MPP7: variants seen among roughly 807,000 people sequenced by gnomAD.
The protein encoded by MPP7 is MAGUK p55 scaffold protein 7.
In MPP7, 60 loss-of-function variants were observed where a neutral mutation model predicts 76.5. That is an observed-to-expected ratio of 0.78 (90% confidence interval 0.64 to 0.97). MPP7 has a LOEUF of 0.97. Ranked by LOEUF, MPP7 falls within the 50% of genes least tolerant of loss-of-function variation. The pLI is 0.00. For missense variants in MPP7, 641 were observed against 694.0 expected, an observed-to-expected ratio of 0.92 and a Z score of 0.86; for synonymous variants, 237 against 244.5, an observed-to-expected ratio of 0.97 and a Z score of 0.29.
intron 2 of MPP7, among the ~76,000 whole-genome samples, chr10:28,208,148 G>A (rs1053491317): frequency 6.6e-6 from 1 of 152,230 alleles, no homozygotes; most frequent in South Asian, 2.1e-4. Context: ...AAGACTCAGA[G>A]CTCACAGGAG....
At chr10:28,327,707 T>G (rs1834431158) in intron 2 of MPP7, among the ~76,000 whole-genome samples, 1 of 152,178 alleles carries the variant, frequency 6.6e-6, no homozygotes, top group South Asian at 2.1e-4. Context: ...AACATGAATT[T>G]TCAAGTCAAG....
At chr10:28,089,897 CAAA>C in intron 11 of MPP7, 56 bp from the exon 12 acceptor site, 1 of 659,672 alleles carries the variant, frequency 1.5e-6, no homozygotes, top group Non-Finnish European at 2.2e-6. Flanking sequence ...AAGAAACCCT[CAAA>C]AAAAAAAAAC....
chr10:28,238,479 C>A, intron 2 of MPP7, 89 bp downstream of exon 2: 2 of 1,358,214 alleles, frequency 1.5e-6, no homozygotes, highest in Admixed American at 1.7e-5. Flanking sequence ...GCATGATCTG[C>A]CTGCATTTGC....
chr10:28,103,137 GTCA>G (rs1160620055), intron 11 of MPP7, among the ~76,000 whole-genome samples: 8 of 116,418 alleles, frequency 6.9e-5, no homozygotes, highest in South Asian at 6.9e-4. Flanking sequence ...CTGTTGGGGG[GTCA>G]GACCGTGCAC....
intron 3 of MPP7, among the ~76,000 whole-genome samples, chr10:28,166,796 C>A (rs989151079): frequency 6.6e-6 from 1 of 152,070 alleles, no homozygotes; most frequent in Non-Finnish European, 1.5e-5. Flanking sequence ...TGTTTTTGAG[C>A]TTCATAAAAA....
intron 12 of MPP7, among the ~76,000 whole-genome samples, chr10:28,088,036 T>C (rs997127903): frequency 6.6e-6 from 1 of 152,192 alleles, no homozygotes; most frequent in Non-Finnish European, 1.5e-5. Context: ...TGTTTCAAAA[T>C]AATGCAAACA....
intron 1 of MPP7, among the ~76,000 whole-genome samples, chr10:28,242,654 A>C (rs552118996): frequency 6.6e-6 from 1 of 152,346 alleles, no homozygotes; most frequent in South Asian, 2.1e-4. Flanking sequence ...TACTAAAGAA[A>C]GTACTGAGAT....
Position 28,089,815 on chromosome 10 carries a change from T to A in MPP7, c.979A>T (p.Ser327Cys). Residue 327 changes from serine (S) to cysteine (C), a missense_variant, in exon 12 of 17, where the codon AGT (serine) becomes TGT (cysteine). Ser to Cys is a moderately radical substitution (Grantham distance 112). Transcript: ENST00000683449. ...SSGFRKSFRL[S>C]RKDKKTNKSM... ...TTATTTGTTTTCTTATCTTTTCTAC[T>A]AAGACGAAAACTTTTTCTAAAACCA... is the stretch of plus-strand genomic sequence containing the variant. The A allele has an allele frequency of 6.4e-7, 1 of 1,573,742 alleles. No individual in the cohort carries two copies. The highest frequency in any genetic ancestry group is 1.1e-5 in the South Asian group (1 of 87,324).
chr10:28,197,293 A>G (rs1038102875), intron 3 of MPP7, among the ~76,000 whole-genome samples: 1 of 148,722 alleles, frequency 6.7e-6, no homozygotes, highest in Admixed American at 6.8e-5. Flanking sequence ...AGCAATTCTC[A>G]TGCCTCAGCC....
At chr10:28,224,827 A>C (rs1838635328) in intron 2 of MPP7, among the ~76,000 whole-genome samples, 1 of 152,170 alleles carries the variant, frequency 6.6e-6, no homozygotes, top group South Asian at 2.1e-4. Context: ...AAACGACCAA[A>C]ACATGACCAT....
chr10:28,150,874 T>C (rs1178797076), intron 3 of MPP7, among the ~76,000 whole-genome samples: 1 of 152,166 alleles, frequency 6.6e-6, no homozygotes. Context: ...AGCAGAAAGT[T>C]GAGAAACAAA....
In MPP7 at chr10:28,095,432, T is replaced by C. The variant is rs373736178; in HGVS notation, c.953-5591A>G. ...CAATTTTTCTAGATTCTGTCCCCCA[T>C]GGGTAGTCAGAGGTGATAGCACACT... On this transcript the variant is annotated intron_variant, in intron 11 of 16. Transcript: ENST00000683449. Among the ~76,000 whole-genome samples the C allele has an allele frequency of 2.6e-5, 4 of 152,006 alleles. No individual in the cohort carries two copies. In the East Asian group the frequency reaches 5.8e-4, roughly 22 times the overall value.
In MPP7 at chr10:28,052,045, C is replaced by G. The variant is rs1211630968; in HGVS notation, c.*2020G>C. The G allele has an allele frequency of 6.6e-6, 1 of 151,976 alleles. No individual in the cohort carries two copies. The highest frequency in any genetic ancestry group is 2.4e-5 in the African/African-American group (1 of 41,360). The allele number at this position is 151,976 out of a possible 1,614,324, so 9.4% of individuals were successfully genotyped here. On this transcript the variant is annotated 3_prime_UTR_variant, in exon 17 of 17. Coordinates refer to ENST00000683449, the MANE Select transcript of MPP7 (RefSeq NM_001318170.2). ...TTATAACATCTTATTATTACCACCACCAAAAAAGGACTCAGTTTCTCCCAC... is the reference window on the plus strand; with the variant it reads ...TTATAACATCTTATTATTACCACCAGCAAAAAAGGACTCAGTTTCTCCCAC...
chr10:28,315,490 G>T (rs910902553), intron 2 of MPP7, among the ~76,000 whole-genome samples: 1 of 152,062 alleles, frequency 6.6e-6, no homozygotes, highest in Non-Finnish European at 1.5e-5. Context: ...GGCGCACCCT[G>T]CCCACTGGCC....
chr10:28,195,447 T>A (rs1268260895), intron 3 of MPP7, among the ~76,000 whole-genome samples: 1 of 152,192 alleles, frequency 6.6e-6, no homozygotes. Context: ...ACAAATGTTC[T>A]TAGTAGCATC....
chr10:28,083,290 G>T (rs939042330), intron 12 of MPP7, among the ~76,000 whole-genome samples: 1 of 152,132 alleles, frequency 6.6e-6, no homozygotes, highest in Admixed American at 6.6e-5. Context: ...GAATACTTCT[G>T]AAGGACAGTT....
intron 5 of MPP7, among the ~76,000 whole-genome samples, chr10:28,146,621 G>A (rs1835717255): frequency 6.6e-6 from 1 of 151,818 alleles, no homozygotes; most frequent in African/African-American, 2.4e-5. Context: ...TTAAAACCAA[G>A]TTTTAAATTC....
Position 28,131,549 on chromosome 10 carries a change from C to G in MPP7, c.447+11G>C, listed in dbSNP as rs931079921. 3.8e-6 allele frequency: 6 copies of G among 1,574,464 alleles called. No individual in the cohort carries two copies. On this transcript the variant is annotated intron_variant, in intron 6 of 16. Coordinates refer to ENST00000683449, the MANE Select transcript of MPP7 (RefSeq NM_001318170.2). ...CATGGTATCTACTCATATCTGAGCA[C>G]CAAAACTCACCAGTGGTTCTCTATT...
intron 13 of MPP7, among the ~76,000 whole-genome samples, chr10:28,061,784 A>G (rs1851796426): frequency 6.6e-6 from 1 of 152,190 alleles, no homozygotes; most frequent in Non-Finnish European, 1.5e-5. Context: ...AAAAAATCTC[A>G]AAGCAGCTAG....
Sources: gnomAD v4.1 joint callset for allele counts (sites outside exome capture counted in the v4.1 genomes callset) on GRCh38, gnomAD v4.1.1 for gene constraint, MANE v1.5 for transcripts, NCBI Gene and HGNC (gene_info 2026-07-23, HGNC 2026-07-21) for gene names.